LMF1: variants seen among roughly 807,000 people sequenced by gnomAD.
The protein encoded by LMF1 is lipase maturation factor 1.
In LMF1, 68 loss-of-function variants were observed where a neutral mutation model predicts 60.6. That is an observed-to-expected ratio of 1.12 (90% CI 0.92 to 1.37). The LOEUF (loss-of-function observed/expected upper bound fraction) is 1.37. Ranked by LOEUF, LMF1 falls within the 40% of genes most tolerant of loss-of-function variation. The pLI, the probability that LMF1 is intolerant of heterozygous loss-of-function variation, is 0.00. For synonymous variants in LMF1, 418 were observed against 324.7 expected (o/e 1.29, Z -3.09); for missense variants, 948 against 767.2 (o/e 1.24, Z -2.78).
At chr16:862,372 G>C (rs915617435) in intron 10 of LMF1, among the ~76,000 whole-genome samples, 1 of 152,040 alleles carries the variant, frequency 6.6e-6, no homozygotes, top group African/African-American at 2.4e-5. Flanking sequence ...TTGAACTCCT[G>C]ACCTCAGGTG....
chr16:955,021 C>G (rs201218097), intron 1 of LMF1, among the ~76,000 whole-genome samples: 979 of 48,234 alleles, frequency 0.02, 16 homozygotes, highest in African/African-American at 0.061. Flanking sequence ...GCAGCAGATG[C>G]GGTGTGTGCA....
intron 3 of LMF1, among the ~76,000 whole-genome samples, chr16:919,323 G>C (rs1023065206): frequency 6.6e-6 from 1 of 151,988 alleles, no homozygotes; most frequent in African/African-American, 2.4e-5. Flanking sequence ...AGAAGTGGGC[G>C]GGAATCACCC....
chr16:911,967 T>C (rs12599641), intron 3 of LMF1, among the ~76,000 whole-genome samples: 48,661 of 152,068 alleles, frequency 0.32, 10,080 homozygotes, highest in African/African-American at 0.57. Flanking sequence ...GGGTCGCCAT[T>C]CCAGTGCTAT....
chr16:913,053 G>A (rs2071165750), intron 3 of LMF1, among the ~76,000 whole-genome samples: 1 of 152,216 alleles, frequency 6.6e-6, no homozygotes, highest in Admixed American at 6.5e-5. Context: ...CCGGGGAGAG[G>A]AGCCGTCCTC....
At chr16:872,754 T>C (rs1390027736) in intron 6 of LMF1, 1 of 152,434 alleles carries the variant, frequency 6.6e-6, no homozygotes, top group African/African-American at 2.4e-5. Context: ...CACTGGAATG[T>C]CCTGGTGGGA....
intron 4 of LMF1, among the ~76,000 whole-genome samples, chr16:910,345 C>T (rs1444146647): frequency 6.6e-6 from 1 of 152,144 alleles, no homozygotes; most frequent in Non-Finnish European, 1.5e-5. Flanking sequence ...GAACCCGCCA[C>T]CCCCACCCCG....
intron 2 of LMF1, among the ~76,000 whole-genome samples, chr16:953,991 C>G (rs1381835020): frequency 4.9e-5 from 2 of 40,602 alleles, no homozygotes; most frequent in African/African-American, 1.0e-4. Context: ...ACAGACACCC[C>G]AAACCAGCCT....
intron 3 of LMF1, chr16:931,559 T>G (rs1370697667): frequency 8.6e-7 from 1 of 1,168,690 alleles, no homozygotes; most frequent in African/African-American, 1.6e-5. Context: ...GAAAGGAGCC[T>G]CCCCAGAGGT....
At chr16:938,471 C>T (rs976781660) in intron 2 of LMF1, among the ~76,000 whole-genome samples, 1 of 152,190 alleles carries the variant, frequency 6.6e-6, no homozygotes, top group Non-Finnish European at 1.5e-5. Flanking sequence ...ACCACACATA[C>T]CAGTTCGGCA....
chr16:947,724 C>T, intron 2 of LMF1: 1 of 381,032 alleles, frequency 2.6e-6, no homozygotes, highest in South Asian at 1.9e-5. Context: ...CCTGCAGGGC[C>T]ACTGCCAAAG....
At chr16:980,070 G>C (rs959104177) in intron 1 of LMF1, 6 of 305,888 alleles carry the variant, frequency 2.0e-5, no homozygotes, top group Non-Finnish European at 3.9e-5. Context: ...CTCCACCTAC[G>C]ATGCGTGGAG....
At chr16:912,221 G>C (rs2071143150) in intron 3 of LMF1, among the ~76,000 whole-genome samples, 1 of 152,118 alleles carries the variant, frequency 6.6e-6, no homozygotes, top group Admixed American at 6.5e-5. Context: ...GATGCAGACA[G>C]AGACTCGCAG....
chr16:876,208 C>CTGCAGGAGG (rs1201374326), intron 6 of LMF1, among the ~76,000 whole-genome samples: 2 of 152,264 alleles, frequency 1.3e-5, no homozygotes, highest in Non-Finnish European at 2.9e-5. Context: ...GCAGTGGAGC[C>CTGCAGGAGG]TGCAGGAGGT....
chr16:912,147 G>A (rs995413443), intron 3 of LMF1, among the ~76,000 whole-genome samples: 5 of 152,176 alleles, frequency 3.3e-5, no homozygotes, highest in African/African-American at 7.2e-5. Context: ...GCATGACAAC[G>A]ATCACATGAC....
At chr16:864,319 C>G (rs926812801) in intron 10 of LMF1, among the ~76,000 whole-genome samples, 1 of 152,216 alleles carries the variant, frequency 6.6e-6, no homozygotes, top group African/African-American at 2.4e-5. Flanking sequence ...GGGTCCCTAA[C>G]TTATGAGAGT....
At chr16:929,519 C>T (rs1334119458) in intron 3 of LMF1, among the ~76,000 whole-genome samples, 2 of 152,244 alleles carry the variant, frequency 1.3e-5, no homozygotes, top group Non-Finnish European at 1.5e-5. Flanking sequence ...TGCGGGTCCT[C>T]TCGGGTTCCC....
chr16:925,689 T>C (rs983080381), intron 3 of LMF1, among the ~76,000 whole-genome samples: 4 of 152,258 alleles, frequency 2.6e-5, no homozygotes, highest in African/African-American at 7.2e-5. Context: ...TGAGCCGTGA[T>C]TGTGCCAGTG....
intron 5 of LMF1, 31 bp downstream of exon 5, chr16:892,976 G>A: frequency 6.6e-7 from 1 of 1,511,452 alleles, no homozygotes; most frequent in Admixed American, 2.0e-5. Flanking sequence ...GAGACCGGGT[G>A]CCCTGCCCTC....
intron 1 of LMF1, among the ~76,000 whole-genome samples, chr16:967,536 C>T (rs1311809927): frequency 6.6e-6 from 1 of 152,204 alleles, no homozygotes; most frequent in East Asian, 1.9e-4. Context: ...AAGAACATGG[C>T]ACCCAGGTCC....
Sources: gnomAD v4.1 joint callset for allele counts (sites outside exome capture counted in the v4.1 genomes callset) on GRCh38, gnomAD v4.1.1 for gene constraint, MANE v1.5 for transcripts, NCBI Gene and HGNC (gene_info 2026-07-23, HGNC 2026-07-21) for gene names.